AFF2: variants seen among roughly 807,000 people sequenced by gnomAD.
AFF2 encodes ALF transcription elongation factor 2.
AFF2 carries 14 observed loss-of-function variants against 76.9 expected under a neutral mutation model. The observed-to-expected ratio is 0.18, with a 90% CI of 0.12 to 0.28. The LOEUF (loss-of-function observed/expected upper bound fraction) is 0.28, where lower values mean the gene tolerates loss of function less well. Ranked by LOEUF, AFF2 falls within the 10% of genes least tolerant of loss-of-function variation. The pLI, the probability that AFF2 is intolerant of heterozygous loss-of-function variation, is 1.00. For synonymous variants in AFF2, 398 were observed against 366.7 expected, an observed-to-expected ratio of 1.09 and a Z score of -0.98; for missense variants, 868 against 1,001.1, an observed-to-expected ratio of 0.87 and a Z score of 1.79.
intron 1 of AFF2, among the ~76,000 whole-genome samples, chrX:148,622,130 C>CA (rs2053874890): frequency 8.9e-6 from 1 of 112,060 alleles, no homozygotes; most frequent in South Asian, 3.7e-4. Flanking sequence ...AAAGTAGATG[C>CA]AAACAGCAGT....
intron 1 of AFF2, among the ~76,000 whole-genome samples, chrX:148,579,389 G>A (rs6540383): frequency 0.52 from 57,187 of 110,073 alleles, 11,694 homozygotes; most frequent in East Asian, 0.99. Flanking sequence ...CCTGAGATGC[G>A]CATGCACAAT....
rs2072623056 is a variant in AFF2, at chrX:148,997,767, A to C, written c.*6435A>C. 1 of 112,327 alleles carries C rather than the reference A, an allele frequency of 8.9e-6. No homozygotes were observed. Among genetic ancestry groups the C allele is most frequent in the Non-Finnish European group, 1.9e-5 (1 of 53,300 alleles). The allele number at this position is 112,327 out of a possible 1,213,427, so 9.3% of individuals were successfully genotyped here. On this transcript the variant is annotated 3_prime_UTR_variant, in exon 21 of 21. Coordinates refer to ENST00000370460, the MANE Select transcript of AFF2 (RefSeq NM_002025.4). ...CACACCAGACAGTGGACCAGTTTTC[A>C]CAGCTACAAAGAGCTAGAAATGTGT...
At chrX:148,744,073 C>T (rs1164521041) in intron 3 of AFF2, among the ~76,000 whole-genome samples, 1 of 110,277 alleles carries the variant, frequency 9.1e-6, no homozygotes, top group Non-Finnish European at 1.9e-5. Flanking sequence ...CGTTATATGC[C>T]GAAAGAAAGG....
intron 1 of AFF2, among the ~76,000 whole-genome samples, chrX:148,620,831 T>A (rs1224627692): frequency 2.7e-5 from 3 of 112,013 alleles, no homozygotes; most frequent in Non-Finnish European, 5.6e-5. Flanking sequence ...CATGAAAACC[T>A]TTTATCAGAG....
intron 3 of AFF2, among the ~76,000 whole-genome samples, chrX:148,681,262 C>G (rs782362859): frequency 1.8e-5 from 2 of 111,674 alleles, no homozygotes; most frequent in Non-Finnish European, 1.9e-5. Context: ...ACACATTCTA[C>G]TTTTCACAAT....
chrX:148,682,966 G>A (rs1322462677), intron 3 of AFF2, among the ~76,000 whole-genome samples: 2 of 111,360 alleles, frequency 1.8e-5, no homozygotes, highest in Non-Finnish European at 3.8e-5. Flanking sequence ...TTGTTAGAAG[G>A]ACAAATAGTT....
intron 3 of AFF2, among the ~76,000 whole-genome samples, chrX:148,704,342 ATATATATATT>A (rs2054845582): frequency 2.2e-5 from 1 of 46,415 alleles, no homozygotes; most frequent in Non-Finnish European, 3.7e-5. Context: ...ATATGTGTGT[ATATATATATT>A]TATATATATA....
chrX:148,770,149 G>C (rs6654984), intron 3 of AFF2, among the ~76,000 whole-genome samples: 19 of 111,459 alleles, frequency 1.7e-4, no homozygotes, highest in African/African-American at 5.9e-4. Flanking sequence ...ACACTGCCTT[G>C]GTGTGGCTTG....
intron 1 of AFF2, among the ~76,000 whole-genome samples, chrX:148,649,524 C>T (rs17318129): frequency 0.2 from 21,788 of 111,560 alleles, 1,550 homozygotes; most frequent in Non-Finnish European, 0.21. Flanking sequence ...TGTTCTTTGT[C>T]GGATGTGTTA....
chrX:148,950,255 G>A (rs1557286472), intron 9 of AFF2, among the ~76,000 whole-genome samples: 2 of 112,195 alleles, frequency 1.8e-5, no homozygotes, highest in African/African-American at 3.2e-5. Flanking sequence ...CAGAGGAAAT[G>A]AGGCCCAGAC....
At chrX:148,809,005 C>T (rs2070171019) in intron 3 of AFF2, among the ~76,000 whole-genome samples, 1 of 111,098 alleles carries the variant, frequency 9.0e-6, no homozygotes. Context: ...ATGAGAGACC[C>T]ACTGTTCTTA....
At chrX:148,681,199 T>C (rs2054542919) in intron 3 of AFF2, among the ~76,000 whole-genome samples, 2 of 111,687 alleles carry the variant, frequency 1.8e-5, no homozygotes, top group Non-Finnish European at 3.8e-5. Context: ...TACTTGAGAT[T>C]ATTTTAGCAT....
chrX:148,907,634 G>C (rs1185335136), intron 9 of AFF2, among the ~76,000 whole-genome samples: 1 of 111,593 alleles, frequency 9.0e-6, no homozygotes, highest in Non-Finnish European at 1.9e-5. Context: ...GAGTGTGGGT[G>C]ACAGAGATCA....
intron 1 of AFF2, among the ~76,000 whole-genome samples, chrX:148,530,597 T>TC (rs1356055747): frequency 1.8e-5 from 2 of 110,230 alleles, no homozygotes; most frequent in Admixed American, 9.7e-5. Flanking sequence ...TTGCTCCTTT[T>TC]TTTTTTCTTG....
At chrX:148,607,044 AGAC>A (rs2053679076) in intron 1 of AFF2, among the ~76,000 whole-genome samples, 1 of 111,395 alleles carries the variant, frequency 9.0e-6, no homozygotes, top group Non-Finnish European at 1.9e-5. Context: ...TTAGGGTCAT[AGAC>A]GACAAGATGT....
At chrX:148,551,247 T>A (rs187135023) in intron 1 of AFF2, among the ~76,000 whole-genome samples, 95 of 109,999 alleles carry the variant, frequency 8.6e-4, no homozygotes, top group African/African-American at 3.1e-3. Context: ...GATAATGGCC[T>A]GGTTGAAGTT....
In AFF2 at chrX:148,996,898, C is replaced by A. The variant is rs782197453; in HGVS notation, c.*5566C>A. ...TTATTGTCATCATTATTTTGATTTACAAATGCTATTTGTAACTTTTACATG... is the reference window on the plus strand; with the variant it reads ...TTATTGTCATCATTATTTTGATTTAAAAATGCTATTTGTAACTTTTACATG... On this transcript the variant is annotated 3_prime_UTR_variant, in exon 21 of 21. Coordinates refer to ENST00000370460, the MANE Select transcript of AFF2 (RefSeq NM_002025.4). The A allele has an allele frequency of 1.2e-4, 13 of 112,115 alleles. No homozygotes were observed. The East Asian group carries it at 3.6e-3, about 31-fold the overall frequency. The allele number at this position is 112,115 out of a possible 1,213,427, so 9.2% of individuals were successfully genotyped here. A position where few individuals can be genotyped will look rare whatever the true frequency, so the allele number is the denominator to read the frequency against.
chrX:148,665,159 C>T (rs1044106148), intron 3 of AFF2, among the ~76,000 whole-genome samples: 7 of 111,833 alleles, frequency 6.3e-5, no homozygotes, highest in Admixed American at 5.7e-4. Context: ...ACAGACCCAG[C>T]GAAATCCACC....
At chrX:148,934,111 A>G (rs2071745411) in intron 9 of AFF2, among the ~76,000 whole-genome samples, 1 of 112,779 alleles carries the variant, frequency 8.9e-6, no homozygotes, top group South Asian at 3.6e-4. Context: ...AAGTTGTCAC[A>G]TATTTTTACA....
Sources: allele counts gnomAD v4.1 joint callset (sites outside exome capture counted in the v4.1 genomes callset), GRCh38; gene constraint gnomAD v4.1.1; transcripts MANE v1.5; gene names NCBI Gene and HGNC (gene_info 2026-07-23, HGNC 2026-07-21).